Variants in ASAP1 observed in about 807,000 individuals in gnomAD.
ASAP1 encodes ArfGAP with SH3 domain, ankyrin repeat and PH domain 1.
ASAP1 carries 43 observed loss-of-function variants against 145.2 expected under a neutral mutation model. That is an observed-to-expected ratio of 0.30 (90% confidence interval 0.23 to 0.38). The LOEUF is 0.38. ASAP1 is among the 10% of genes least tolerant of loss of function. The pLI is 1.00. For synonymous variants in ASAP1, 546 were observed against 515.5 expected (o/e 1.06, Z -0.80); for missense variants, 1,018 against 1,355.3 (o/e 0.75, Z 3.91).
At chr8:130,243,709 C>T (rs1205851900) in intron 3 of ASAP1, among the ~76,000 whole-genome samples, 1 of 152,172 alleles carries the variant, frequency 6.6e-6, no homozygotes, top group Non-Finnish European at 1.5e-5. Context: ...TCGCCTAAAT[C>T]TAAACGGGCC....
chr8:130,232,121 C>T (rs1026422787), intron 4 of ASAP1, among the ~76,000 whole-genome samples: 3 of 152,148 alleles, frequency 2.0e-5, no homozygotes, highest in African/African-American at 4.8e-5. Context: ...AACAGAAGGA[C>T]GAGGTTGAAG....
chr8:130,200,456 A>G (rs1815795617), intron 5 of ASAP1, among the ~76,000 whole-genome samples: 2 of 152,194 alleles, frequency 1.3e-5, no homozygotes, highest in South Asian at 4.1e-4. Flanking sequence ...AAAGGTTCTT[A>G]GGCTGCAGTA....
intron 2 of ASAP1, among the ~76,000 whole-genome samples, chr8:130,374,482 C>T (rs1271616023): frequency 2.6e-5 from 4 of 152,236 alleles, no homozygotes; most frequent in Non-Finnish European, 2.9e-5. Context: ...CTAGGCCGGG[C>T]GCGGTGGCGC....
At chr8:130,261,273 G>A (rs938833962) in intron 3 of ASAP1, among the ~76,000 whole-genome samples, 1 of 152,188 alleles carries the variant, frequency 6.6e-6, no homozygotes. Flanking sequence ...AGTTACTTTG[G>A]TGCTCAAATG....
intron 1 of ASAP1, among the ~76,000 whole-genome samples, chr8:130,442,391 G>T (rs989052606): frequency 6.6e-6 from 1 of 152,160 alleles, no homozygotes; most frequent in African/African-American, 2.4e-5. Context: ...TTTCCAAACT[G>T]TTCACTGGGT....
rs200130521 is a variant in ASAP1 at position 130,060,698 on chromosome 8, C to T, written c.3073G>A (p.Asp1025Asn). 2.6e-5 allele frequency: 42 copies of T among 1,613,994 alleles called. No individual in the cohort carries two copies. Among genetic ancestry groups the T allele is most frequent in the Non-Finnish European group, 3.4e-5 (40 of 1,180,038 alleles). ...SEVTLKSHPL[D>N]LSPNVQSRDA... ...CTGGACTGCACATTTGGGGATAGAT[C>T]CAATGGGTGTGACTTCAGTGTGACC... The change falls in exon 28 of 30, where the codon GAT (aspartate) becomes AAT (asparagine). Residue 1025 changes from aspartate to asparagine, a missense_variant. Coordinates refer to ENST00000518721, the MANE Select transcript of ASAP1 (RefSeq NM_018482.4).
At chr8:130,107,946 A>C (rs1419597705) in intron 24 of ASAP1, among the ~76,000 whole-genome samples, 1 of 152,246 alleles carries the variant, frequency 6.6e-6, no homozygotes, top group Non-Finnish European at 1.5e-5. Flanking sequence ...CTGTCTAGGC[A>C]GCCATGGTCT....
chr8:130,149,772 A>C (rs952766683), intron 13 of ASAP1, among the ~76,000 whole-genome samples: 2 of 152,166 alleles, frequency 1.3e-5, no homozygotes, highest in African/African-American at 4.8e-5. Flanking sequence ...GTGTTTGCAA[A>C]GTCAGGAAAA....
intron 11 of ASAP1, among the ~76,000 whole-genome samples, chr8:130,165,943 G>A (rs1274320447): frequency 6.6e-6 from 1 of 152,126 alleles, no homozygotes; most frequent in Non-Finnish European, 1.5e-5. Flanking sequence ...ACTTGCTATT[G>A]TTGTGTGATA....
intron 23 of ASAP1, among the ~76,000 whole-genome samples, chr8:130,114,438 G>C (rs2097551506): frequency 6.6e-6 from 1 of 152,190 alleles, no homozygotes; most frequent in African/African-American, 2.4e-5. Context: ...ATCTATGTAG[G>C]ACACTTTCCA....
In ASAP1 at chr8:130,060,778, A is replaced by G; in HGVS notation, c.2993T>C (p.Leu998Pro). 6.2e-7 allele frequency: 1 copy of G among 1,614,048 alleles called. No homozygotes were observed. The highest frequency in any genetic ancestry group is 1.7e-5 in the Admixed American group (1 of 60,006). Reference sequence around the variant, plus strand: ...ATCTCCAGTCTGGGATTTTGCTAGCAGGTCTCCCAGCTGTGGTTTGGGGGG... The same window carrying G: ...ATCTCCAGTCTGGGATTTTGCTAGCGGGTCTCCCAGCTGTGGTTTGGGGGG... ...DLPPKPQLGD[L>P]LAKSQTGDVS... The change falls in exon 28 of 30, where the codon CTG becomes CCG. Residue 998 changes from leucine (L) to proline (P), a missense_variant. Around this residue, in one of 9 missense-constraint regions of ASAP1, gnomAD observed 139 missense variants for 131.0 expected, o/e 1.06. Coordinates refer to ENST00000518721, the MANE Select transcript of ASAP1 (RefSeq NM_018482.4).
rs553364303 is a variant in ASAP1 at position 130,065,834 on chromosome 8, A to G, written c.2702-4765T>C. ...CACACAAACACTTTCATAATCGTGT[A>G]CTAGCCTCACTGTTCTTTCCTGCCT... On this transcript the variant is annotated intron_variant, in intron 27 of 29. Coordinates refer to ENST00000518721, the MANE Select transcript of ASAP1 (RefSeq NM_018482.4). Among the ~76,000 whole-genome samples the G allele has an allele frequency of 4.6e-5, 7 of 152,334 alleles. No individual in the cohort carries two copies. The South Asian group carries it at 1.5e-3, about 32-fold the overall frequency.
At chr8:130,422,605 G>A (rs779827680) in intron 1 of ASAP1, among the ~76,000 whole-genome samples, 12 of 152,068 alleles carry the variant, frequency 7.9e-5, no homozygotes, top group Non-Finnish European at 1.5e-4. Context: ...CCTTCTCTGT[G>A]CTCCCAAAAC....
Position 130,285,566 on chromosome 8 carries a change from T to C in ASAP1, c.187-48572A>G, listed in dbSNP as rs554754375. On this transcript the variant is annotated intron_variant, in intron 3 of 29. Coordinates refer to ENST00000518721, the MANE Select transcript of ASAP1 (RefSeq NM_018482.4). ...CTGAAATGAAGAGAGTCGTCATATA[T>C]GTAGCTTCAAAAATATTCAGCCAAT... Among the ~76,000 whole-genome samples, 24 of 152,330 alleles carry C rather than the reference T, an allele frequency of 1.6e-4. No individual in the cohort carries two copies. The South Asian group carries it at 4.6e-3, about 29-fold the overall frequency.
chr8:130,346,436 G>A (rs543302768), intron 3 of ASAP1, among the ~76,000 whole-genome samples: 5 of 152,188 alleles, frequency 3.3e-5, no homozygotes, highest in Non-Finnish European at 7.3e-5. Context: ...CATTAGCATT[G>A]CATGCATATC....
chr8:130,121,784 CAAAAA>C (rs56996962), intron 18 of ASAP1, among the ~76,000 whole-genome samples: 6 of 25,408 alleles, frequency 2.4e-4, no homozygotes, highest in Non-Finnish European at 5.6e-4. Flanking sequence ...AATTCCATCT[CAAAAA>C]AAAAAAAAAA....
chr8:130,315,614 C>T lies in ASAP1; in HGVS notation c.186+42403G>A, dbSNP rs73409350. ...GACCACTTGTTGCTTCCCAGCTGTG[C>T]TCCCATGAGGTGTCTGGAGTGCCTC... On this transcript the variant is annotated intron_variant, in intron 3 of 29. Transcript: ENST00000518721. 6.2e-3 allele frequency among the ~76,000 whole-genome samples: 951 copies of T among 152,308 alleles called. 9 individuals are homozygous for T. The highest frequency in any genetic ancestry group is 0.022 in the African/African-American group (922 of 41,568).
At chr8:130,110,674 T>A (rs971516792) in intron 24 of ASAP1, among the ~76,000 whole-genome samples, 5 of 152,240 alleles carry the variant, frequency 3.3e-5, no homozygotes, top group Admixed American at 6.5e-5. Context: ...GGATAGCTGT[T>A]CATGCCAAAG....
intron 24 of ASAP1, 94 bp from the exon 25 acceptor site, chr8:130,092,237 G>C: frequency 6.7e-6 from 9 of 1,340,180 alleles, no homozygotes; most frequent in Non-Finnish European, 9.1e-6. Context: ...ATCAGAATGT[G>C]GTATGACACA....
Sources: gnomAD v4.1 joint callset for allele counts (sites outside exome capture counted in the v4.1 genomes callset) on GRCh38, gnomAD v4.1.1 for gene constraint, gnomAD v4.1.1 regional missense constraint, MANE v1.5 for transcripts, NCBI Gene and HGNC (gene_info 2026-07-23, HGNC 2026-07-21) for gene names.